Variants in UGT1A10 observed in about 807,000 individuals in gnomAD.
UGT1A10 encodes the protein UDP-glucuronosyltransferase 1A10.
Under a neutral mutation model 45.8 loss-of-function variants are expected in UGT1A10, and 49 were observed. The observed-to-expected ratio is 1.07, with a 90% CI of 0.85 to 1.36. The LOEUF (loss-of-function observed/expected upper bound fraction) is 1.36. UGT1A10 is among the 40% of genes most tolerant of loss of function. The pLI is 0.00. For synonymous variants in UGT1A10, 284 were observed against 249.7 expected (o/e 1.14, Z -1.29); for missense variants, 745 against 668.6 (o/e 1.11, Z -1.26).
intron 1 of UGT1A10, chr2:233,672,862 T>C: frequency 6.5e-7 from 1 of 1,527,460 alleles, no homozygotes; most frequent in Non-Finnish European, 8.8e-7. Flanking sequence ...TTTACTGAAC[T>C]GTGATTTGAC....
chr2:233,728,715 G>A (rs1198511958), intron 1 of UGT1A10, among the ~76,000 whole-genome samples: 1 of 152,204 alleles, frequency 6.6e-6, no homozygotes, highest in African/African-American at 2.4e-5. Context: ...GTCACATCCA[G>A]CAGAGAGCAT....
chr2:233,763,077 G>C (rs1318326063), intron 1 of UGT1A10, among the ~76,000 whole-genome samples: 1 of 152,214 alleles, frequency 6.6e-6, no homozygotes, highest in Non-Finnish European at 1.5e-5. Context: ...TTCTTTGCGT[G>C]AGGATGTTTG....
In UGT1A10 at chr2:233,719,145, A is replaced by G. The variant is rs539093785; in HGVS notation, c.856-47889A>G. On this transcript the variant is annotated intron_variant, in intron 1 of 4. Transcript: ENST00000344644. ...CTTTGAAACAGAACATCTTCTGAAG[A>G]GATATTCTAGAAGTATGGCAATTAT... The G allele has an allele frequency of 3.7e-5, 59 of 1,614,252 alleles. No homozygotes were observed. In the East Asian group the frequency reaches 9.8e-4, roughly 27 times the overall value.
chr2:233,636,806 A>G lies in UGT1A10; in HGVS notation c.284A>G (p.His95Arg), dbSNP rs776168160. 2 of 1,614,252 alleles carry G rather than the reference A, an allele frequency of 1.2e-6. No individual in the cohort carries two copies. Among genetic ancestry groups the G allele is most frequent in the South Asian group, 1.1e-5 (1 of 91,078 alleles). Residue 95 changes from histidine to arginine, a missense_variant, in exon 1 of 5, where the codon CAT (histidine) becomes CGT (arginine). Transcript: ENST00000344644. Reference protein sequence around the residue: ...DQNREFMVFAHAQWKAQAQSI... With the variant: ...DQNREFMVFARAQWKAQAQSI... ...AACCGGGAATTCATGGTTTTCGCCC[A>G]TGCTCAATGGAAAGCACAGGCACAA...
chr2:233,680,077 A>C (rs1225701649), intron 1 of UGT1A10, among the ~76,000 whole-genome samples: 2 of 148,408 alleles, frequency 1.3e-5, no homozygotes, highest in African/African-American at 2.5e-5. Flanking sequence ...ATCTTCATTG[A>C]TTTTGAAATG....
intron 1 of UGT1A10, chr2:233,713,385 C>G (rs2076315367): frequency 1.2e-6 from 2 of 1,614,134 alleles, no homozygotes; most frequent in African/African-American, 1.3e-5. Context: ...TGTGGAGCTA[C>G]TGCATAATGA....
At chr2:233,721,293 A>G (rs2076934604) in intron 1 of UGT1A10, among the ~76,000 whole-genome samples, 2 of 152,196 alleles carry the variant, frequency 1.3e-5, no homozygotes, top group African/African-American at 4.8e-5. Flanking sequence ...TTAGGAAGGC[A>G]TTTGAATAGT....
chr2:233,762,058 G>A (rs1697953737), intron 1 of UGT1A10, among the ~76,000 whole-genome samples: 2 of 151,982 alleles, frequency 1.3e-5, no homozygotes, highest in Non-Finnish European at 2.9e-5. Context: ...TTCCTTCATA[G>A]CACATCAAAT....
intron 1 of UGT1A10, among the ~76,000 whole-genome samples, chr2:233,697,241 T>C (rs1474179923): frequency 6.6e-6 from 1 of 152,172 alleles, no homozygotes; most frequent in Admixed American, 6.5e-5. Flanking sequence ...TTTTTATTAC[T>C]GCTTCAATCT....
chr2:233,737,366 G>T (rs1427441917), intron 1 of UGT1A10, among the ~76,000 whole-genome samples: 1 of 152,256 alleles, frequency 6.6e-6, no homozygotes, highest in Non-Finnish European at 1.5e-5. Context: ...GCTAAGCCAG[G>T]CAGGGGAGAG....
chr2:233,713,894 G>A (rs1009704522), intron 1 of UGT1A10: 26 of 1,613,234 alleles, frequency 1.6e-5, no homozygotes, highest in Non-Finnish European at 2.2e-5. Context: ...CAATGTTCCA[G>A]GCAAAACACT....
chr2:233,715,540 GGGA>G, intron 1 of UGT1A10, among the ~76,000 whole-genome samples: 1 of 152,104 alleles, frequency 6.6e-6, no homozygotes. Flanking sequence ...GGGAGACCGA[GGGA>G]GGAGGATTGC....
intron 1 of UGT1A10, among the ~76,000 whole-genome samples, chr2:233,741,186 G>A (rs901469782): frequency 6.6e-6 from 1 of 151,878 alleles, no homozygotes; most frequent in African/African-American, 2.4e-5. Flanking sequence ...ACTTGTGTTT[G>A]CTTTCAACTG....
At position 233,672,322 on chromosome 2, in the gene UGT1A10, G is replaced by C. The variant is rs376368364; in HGVS notation, c.855+34945G>C. On this transcript the variant is annotated intron_variant, in intron 1 of 4. Transcript: ENST00000344644. Reference sequence around the variant, plus strand: ...TTCAAATTGCAGGAGTTTGTTTAAAGACAAAAAATTAGTAGAATACTTAAA... The same window carrying C: ...TTCAAATTGCAGGAGTTTGTTTAAACACAAAAAATTAGTAGAATACTTAAA... The C allele has an allele frequency of 1.4e-5, 22 of 1,613,884 alleles. No homozygotes were observed. The African/African-American group carries it at 2.8e-4, about 21-fold the overall frequency.
chr2:233,696,584 C>A (rs1165044869), intron 1 of UGT1A10, among the ~76,000 whole-genome samples: 1 of 150,482 alleles, frequency 6.6e-6, no homozygotes, highest in Non-Finnish European at 1.5e-5. Context: ...AATTTGACTT[C>A]TTCCTTTCCA....
intron 1 of UGT1A10, among the ~76,000 whole-genome samples, chr2:233,683,598 AT>A (rs1160549006): frequency 6.6e-6 from 1 of 152,130 alleles, no homozygotes; most frequent in African/African-American, 2.4e-5. Context: ...TGAATCCCTC[AT>A]TATTTATTCG....
chr2:233,744,006 T>G (rs1476984067), intron 1 of UGT1A10: 1 of 1,159,948 alleles, frequency 8.6e-7, no homozygotes, highest in Non-Finnish European at 1.1e-6. Context: ...CTCGGAGACC[T>G]GGGCCGCCTG....
In UGT1A10 at chr2:233,677,063, G is replaced by A. The variant is rs28970012; in HGVS notation, c.855+39686G>A. On this transcript the variant is annotated intron_variant, in intron 1 of 4. Coordinates refer to ENST00000344644, the MANE Select transcript of UGT1A10 (RefSeq NM_019075.4). The stretch of plus-strand genomic sequence containing the variant: ...CATTACCATATGCATTTTAAAATAA[G>A]TTCATTAATGTGTGCAAAAATCCTG... Among the ~76,000 whole-genome samples, 1,487 of 151,802 alleles carry A rather than the reference G, an allele frequency of 9.8e-3. 36 individuals carry two copies. The highest frequency in any genetic ancestry group is 0.034 in the African/African-American group (1,392 of 41,392).
intron 1 of UGT1A10, among the ~76,000 whole-genome samples, chr2:233,638,953 G>A (rs777889832): frequency 2.0e-4 from 31 of 152,260 alleles, no homozygotes; most frequent in Admixed American, 1.0e-3. Context: ...TTTTCTCCTC[G>A]TTATCCTCCA....
Sources: allele counts gnomAD v4.1 joint callset (sites outside exome capture counted in the v4.1 genomes callset), GRCh38; gene constraint gnomAD v4.1.1; transcripts MANE v1.5; gene names NCBI Gene and HGNC (gene_info 2026-07-23, HGNC 2026-07-21).